Variants in ME3 observed in about 807,000 individuals in gnomAD.
The protein encoded by ME3 is NADP-dependent malic enzyme, mitochondrial.
ME3 carries 48 observed loss-of-function variants against 68.9 expected under a neutral mutation model. That is an observed-to-expected ratio of 0.70 (90% CI 0.55 to 0.89). The LOEUF (loss-of-function observed/expected upper bound fraction) is 0.89, where lower values mean the gene tolerates loss of function less well. Among genes scored for constraint, ME3 ranks in the 40% least tolerant of loss-of-function variants. The pLI, the probability that ME3 is intolerant of heterozygous loss-of-function variation, is 0.00. For missense variants in ME3, 675 were observed against 797.4 expected (o/e 0.85, Z 1.85); for synonymous variants, 320 against 318.8 (o/e 1.00, Z -0.04).
At chr11:86,498,597 G>T (rs547494813) in intron 5 of ME3, among the ~76,000 whole-genome samples, 2 of 152,278 alleles carry the variant, frequency 1.3e-5, no homozygotes, top group Non-Finnish European at 1.5e-5. Context: ...TGAAAAATCC[G>T]ATCTGCAAAG....
At chr11:86,504,380 CTTTTTTTTT>C (rs35899335) in intron 5 of ME3, among the ~76,000 whole-genome samples, 1 of 77,406 alleles carries the variant, frequency 1.3e-5, no homozygotes, top group Non-Finnish European at 2.5e-5. Flanking sequence ...CCTATACATT[CTTTTTTTTT>C]TTTTTTTTTT....
chr11:86,637,551 G>T (rs1195814400), intron 2 of ME3, among the ~76,000 whole-genome samples: 2 of 152,150 alleles, frequency 1.3e-5, no homozygotes, highest in African/African-American at 4.8e-5. Context: ...AGAGAGCCTG[G>T]TGTGCACTTA....
chr11:86,656,276 G>A (rs1391908414), intron 2 of ME3, among the ~76,000 whole-genome samples: 2 of 151,956 alleles, frequency 1.3e-5, no homozygotes, highest in Admixed American at 1.3e-4. Flanking sequence ...TATAAATCAT[G>A]CTGCTATAAA....
intron 2 of ME3, among the ~76,000 whole-genome samples, chr11:86,651,800 C>A (rs1945452303): frequency 6.6e-6 from 1 of 152,126 alleles, no homozygotes; most frequent in Non-Finnish European, 1.5e-5. Flanking sequence ...TGACTCCGAA[C>A]TGAAGGAGGA....
At chr11:86,560,748 G>GTGTGTATATATATATATATATATA (rs1243025217) in intron 2 of ME3, among the ~76,000 whole-genome samples, 4 of 62,522 alleles carry the variant, frequency 6.4e-5, no homozygotes, top group African/African-American at 2.4e-4. Context: ...GTGTGTGTGT[G>GTGTGTATATATATATATATATATA]TATATATATA....
Position 86,534,889 on chromosome 11 carries a change from C to T in ME3, c.467+21664G>A, listed in dbSNP as rs1955541637. On this transcript the variant is annotated intron_variant, in intron 4 of 14. Transcript: ENST00000543262. ...ATCTGTTACTTGTGTGGAGAATAAGCTTCTTGCAGGAGAAGAACTTGTAAG... is the reference window on the plus strand; with the variant it reads ...ATCTGTTACTTGTGTGGAGAATAAGTTTCTTGCAGGAGAAGAACTTGTAAG... Among the ~76,000 whole-genome samples, 3 of 151,808 alleles carry T rather than the reference C, an allele frequency of 2.0e-5. No homozygotes were observed. In the South Asian group the frequency reaches 6.3e-4, roughly 32 times the overall value.
intron 2 of ME3, among the ~76,000 whole-genome samples, chr11:86,663,352 G>A (rs1946399548): frequency 6.6e-6 from 1 of 152,094 alleles, no homozygotes; most frequent in Admixed American, 6.5e-5. Flanking sequence ...CCTTTTGGTA[G>A]GAATTGTGTT....
chr11:86,572,842 G>T (rs1175446911), intron 2 of ME3, among the ~76,000 whole-genome samples: 1 of 152,134 alleles, frequency 6.6e-6, no homozygotes, highest in Non-Finnish European at 1.5e-5. Flanking sequence ...CTAGATTCTT[G>T]AGGAATTGCC....
At chr11:86,660,335 C>T (rs1318557844) in intron 2 of ME3, among the ~76,000 whole-genome samples, 1 of 152,216 alleles carries the variant, frequency 6.6e-6, no homozygotes, top group African/African-American at 2.4e-5. Context: ...TTCTGCAGCC[C>T]ACACAGGGCT....
Position 86,442,733 on chromosome 11 carries a change from T to C in ME3, c.1653+88A>G, listed in dbSNP as rs537148912. 1.4e-5 allele frequency: 16 copies of C among 1,116,384 alleles called. No individual in the cohort carries two copies. In the East Asian group the frequency reaches 3.6e-4, roughly 25 times the overall value. 69.2% of individuals were successfully genotyped at this position (1,116,384 alleles called of 1,614,324 possible). On this transcript the variant is annotated intron_variant, in intron 14 of 14. Transcript: ENST00000543262. Reference sequence around the variant, plus strand: ...TCAAGGAGATCCAGTGTCTCCACAGTTTCCATCCCCTTAACCCTCCTAAAG... The same window carrying C: ...TCAAGGAGATCCAGTGTCTCCACAGCTTCCATCCCCTTAACCCTCCTAAAG...
chr11:86,564,705 AATGG>A (rs1408960750), intron 2 of ME3, among the ~76,000 whole-genome samples: 2 of 152,174 alleles, frequency 1.3e-5, no homozygotes, highest in African/African-American at 4.8e-5. Context: ...ATTAACTCAA[AATGG>A]ATGAACAACC....
At chr11:86,596,114 A>T (rs1287951954) in intron 2 of ME3, among the ~76,000 whole-genome samples, 1 of 152,232 alleles carries the variant, frequency 6.6e-6, no homozygotes, top group Admixed American at 6.5e-5. Flanking sequence ...GACTGCTTTG[A>T]TAGTTCCCTT....
rs576117929 is a variant in ME3, at chr11:86,599,419, C to T, written c.184-39596G>A. Among the ~76,000 whole-genome samples the T allele has an allele frequency of 2.5e-3, 375 of 152,204 alleles. 2 individuals are homozygous for T. The highest frequency in any genetic ancestry group is 7.4e-3 in the African/African-American group (309 of 41,540). On this transcript the variant is annotated intron_variant, in intron 2 of 14. Coordinates refer to ENST00000543262, the Ensembl canonical transcript of ME3. ...TTAGAGAAAAAAGAATAAAAAGAAA[C>T]GAACAAAGCCTCCAAGAAATATGGG...
chr11:86,530,958 A>C (rs1011025814), intron 4 of ME3, among the ~76,000 whole-genome samples: 1 of 152,160 alleles, frequency 6.6e-6, no homozygotes, highest in African/African-American at 2.4e-5. Flanking sequence ...CATGTCTAAA[A>C]CACCAAAAGC....
At chr11:86,525,862 C>CAAAAA (rs774590648) in intron 4 of ME3, among the ~76,000 whole-genome samples, 2 of 102,648 alleles carry the variant, frequency 1.9e-5, no homozygotes, top group African/African-American at 6.9e-5. Flanking sequence ...AACTCTGTCT[C>CAAAAA]AAAAAAAAAA....
intron 2 of ME3, among the ~76,000 whole-genome samples, chr11:86,654,543 A>G (rs1161241730): frequency 6.6e-6 from 1 of 152,378 alleles, no homozygotes; most frequent in Non-Finnish European, 1.5e-5. Flanking sequence ...ACAAAATTCA[A>G]CAACCCTTCA....
chr11:86,602,119 G>C (rs1323565994), intron 2 of ME3, among the ~76,000 whole-genome samples: 1 of 151,370 alleles, frequency 6.6e-6, no homozygotes, highest in Non-Finnish European at 1.5e-5. Flanking sequence ...TTAGGCAGGA[G>C]AAGGAAATAA....
chr11:86,608,258 G>A (rs1399801299), intron 2 of ME3, among the ~76,000 whole-genome samples: 1 of 152,120 alleles, frequency 6.6e-6, no homozygotes, highest in African/African-American at 2.4e-5. Flanking sequence ...GGAGAAAGAA[G>A]CAGCCAAGAA....
chr11:86,586,749 GA>G, intron 2 of ME3, among the ~76,000 whole-genome samples: 1 of 152,288 alleles, frequency 6.6e-6, no homozygotes, highest in South Asian at 2.1e-4. Flanking sequence ...AAACAGCTCT[GA>G]AAATGGTTTT....
Sources: allele counts gnomAD v4.1 joint callset (sites outside exome capture counted in the v4.1 genomes callset), GRCh38; gene constraint gnomAD v4.1.1; transcripts MANE v1.5; gene names NCBI Gene and HGNC (gene_info 2026-07-23, HGNC 2026-07-21).